SLC26A7: variants seen among roughly 807,000 people sequenced by gnomAD.
The protein encoded by SLC26A7 is anion exchange transporter.
SLC26A7 carries 59 observed loss-of-function variants against 82.5 expected under a neutral mutation model. The ratio of observed to expected loss-of-function variants is 0.72; its 90% CI spans 0.58 to 0.89. SLC26A7 has a LOEUF of 0.89. Among genes scored for constraint, SLC26A7 ranks in the 40% least tolerant of loss-of-function variants. The probability of loss-of-function intolerance (pLI) is 0.00; values close to 1 mark genes in which losing one functional copy is unlikely to be tolerated. For synonymous variants in SLC26A7, 271 were observed against 274.3 expected, an observed-to-expected ratio of 0.99 and a Z score of 0.12; for missense variants, 820 against 793.0, an observed-to-expected ratio of 1.03 and a Z score of -0.41.
chr8:91,236,273 C>T (rs553490899), intron 2 of SLC26A7, among the ~76,000 whole-genome samples: 12 of 152,242 alleles, frequency 7.9e-5, no homozygotes, highest in African/African-American at 1.7e-4. Context: ...TCTCAAGCTT[C>T]GTATTTCCAG....
intron 4 of SLC26A7, among the ~76,000 whole-genome samples, chr8:91,309,179 T>A (rs1026112089): frequency 7.2e-5 from 11 of 151,956 alleles, no homozygotes; most frequent in African/African-American, 2.2e-4. Flanking sequence ...ATTCCAGTAA[T>A]TTTGCCTCTT....
intron 2 of SLC26A7, among the ~76,000 whole-genome samples, chr8:91,239,005 G>C (rs1241794053): frequency 1.3e-5 from 2 of 151,868 alleles, no homozygotes; most frequent in African/African-American, 4.8e-5. Context: ...CTTTATTTTG[G>C]CCCTAGTTTT....
At chr8:91,360,092 G>C (rs1814007990) in intron 11 of SLC26A7, among the ~76,000 whole-genome samples, 2 of 152,058 alleles carry the variant, frequency 1.3e-5, no homozygotes, top group Non-Finnish European at 1.5e-5. Context: ...TCAACTCATT[G>C]GCTCAGAACT....
intron 4 of SLC26A7, among the ~76,000 whole-genome samples, chr8:91,311,626 A>G (rs1812489827): frequency 6.6e-6 from 1 of 152,158 alleles, no homozygotes; most frequent in African/African-American, 2.4e-5. Context: ...TTCTCAATCA[A>G]TTTAGAAGTT....
At chr8:91,382,238 A>T (rs1814688633) in intron 15 of SLC26A7, among the ~76,000 whole-genome samples, 1 of 152,148 alleles carries the variant, frequency 6.6e-6, no homozygotes, top group South Asian at 2.1e-4. Flanking sequence ...GTTCTTAATA[A>T]ATTATAATGG....
At chr8:91,283,146 G>T (rs1811619774) in intron 2 of SLC26A7, among the ~76,000 whole-genome samples, 3 of 152,134 alleles carry the variant, frequency 2.0e-5, no homozygotes, top group Admixed American at 1.3e-4. Context: ...TCTGACTCAA[G>T]ATTTTTATCT....
At chr8:91,391,241 G>C (rs918596568) in intron 16 of SLC26A7, among the ~76,000 whole-genome samples, 3 of 152,158 alleles carry the variant, frequency 2.0e-5, no homozygotes, top group African/African-American at 7.2e-5. Context: ...GTATGTGGAA[G>C]TCACAGCATA....
At chr8:91,243,435 A>G (rs1810500424) in intron 2 of SLC26A7, among the ~76,000 whole-genome samples, 1 of 152,214 alleles carries the variant, frequency 6.6e-6, no homozygotes, top group Non-Finnish European at 1.5e-5. Flanking sequence ...GTTTGCAACC[A>G]TGGTGCCAAA....
chr8:91,389,287 G>A (rs754970015), intron 15 of SLC26A7, 51 bp from the exon 16 acceptor site: 2 of 1,344,050 alleles, frequency 1.5e-6, no homozygotes, highest in Admixed American at 1.7e-5. Context: ...AAAGCCAGCA[G>A]CAGAAGTCTC....
intron 1 of SLC26A7, among the ~76,000 whole-genome samples, chr8:91,215,180 T>G (rs1468938436): frequency 2.6e-5 from 4 of 152,124 alleles, no homozygotes; most frequent in Non-Finnish European, 4.4e-5. Flanking sequence ...TGAGGTGACA[T>G]GCATATTCAT....
chr8:91,346,280 G>T lies in SLC26A7; in HGVS notation c.1140+2814G>T, dbSNP rs557938937. 6.2e-4 allele frequency among the ~76,000 whole-genome samples: 95 copies of T among 152,178 alleles called. 3 individuals carry two copies. In the South Asian group the frequency reaches 0.02, roughly 31 times the overall value. ...ACTCAAATTGAGGATGCTTTCCCAT[G>T]GTAGTCATTTCAGACCTTTAACATT... On this transcript the variant is annotated intron_variant, in intron 9 of 18. Coordinates refer to ENST00000276609, the MANE Select transcript of SLC26A7 (RefSeq NM_052832.4).
chr8:91,319,926 T>C (rs1362274345), intron 5 of SLC26A7, among the ~76,000 whole-genome samples: 1 of 152,182 alleles, frequency 6.6e-6, no homozygotes, highest in African/African-American at 2.4e-5. Context: ...GTTTCTCTGG[T>C]GGGAATGTGT....
At chr8:91,340,622 T>A (rs769156039) in intron 8 of SLC26A7, 71 bp downstream of exon 8, 2 of 1,582,786 alleles carry the variant, frequency 1.3e-6, no homozygotes, top group Non-Finnish European at 1.7e-6. Context: ...ATCCTAAAAA[T>A]GATGAACTTA....
chr8:91,285,621 A>G (rs1811690708), intron 2 of SLC26A7, among the ~76,000 whole-genome samples: 1 of 152,240 alleles, frequency 6.6e-6, no homozygotes. Context: ...GATGATAGAC[A>G]TTTCTGGGGC....
chr8:91,318,099 A>G (rs904797567), intron 4 of SLC26A7, 117 bp from the exon 5 acceptor site: 7 of 807,358 alleles, frequency 8.7e-6, no homozygotes, highest in South Asian at 4.6e-5. Context: ...AACTTGTTAC[A>G]TGTCAGTTCT....
chr8:91,365,823 G>A (rs1429415183), intron 13 of SLC26A7, among the ~76,000 whole-genome samples: 1 of 152,106 alleles, frequency 6.6e-6, no homozygotes, highest in Non-Finnish European at 1.5e-5. Flanking sequence ...AAGCCTGAAA[G>A]AATATTGCTT....
intron 15 of SLC26A7, among the ~76,000 whole-genome samples, chr8:91,371,103 A>G (rs1197441709): frequency 1.3e-5 from 2 of 151,900 alleles, no homozygotes; most frequent in Non-Finnish European, 3.0e-5. Flanking sequence ...GCATGGAGCT[A>G]AAGAAATAAC....
In SLC26A7 at chr8:91,219,087, C is replaced by T. The variant is rs73697151; in HGVS notation, c.-34+82C>T. On this transcript the variant is annotated intron_variant, in intron 2 of 5. Coordinates refer to the SLC26A7 transcript ENST00000522862. ...ATTATGCCCTACTTAAGATACCATG[C>T]CTGTTCTCTTTGTCAACACATTAAA... 8.8e-3 allele frequency: 4,944 copies of T among 558,886 alleles called. 214 individuals carry two copies. Among genetic ancestry groups the T allele is most frequent in the African/African-American group, 0.083 (4,273 of 51,274 alleles). The allele number at this position is 558,886 out of a possible 1,614,324, so 34.6% of individuals were successfully genotyped here.
chr8:91,214,224 C>T (rs1809994900), intron 1 of SLC26A7, among the ~76,000 whole-genome samples: 1 of 152,030 alleles, frequency 6.6e-6, no homozygotes, highest in South Asian at 2.1e-4. Context: ...CATGGGAAAC[C>T]TCTGAGGGGT....
Sources: allele counts gnomAD v4.1 joint callset (sites outside exome capture counted in the v4.1 genomes callset), GRCh38; gene constraint gnomAD v4.1.1; transcripts MANE v1.5; gene names NCBI Gene and HGNC (gene_info 2026-07-23, HGNC 2026-07-21).